GPR158: variants seen among roughly 807,000 people sequenced by gnomAD.
GPR158 encodes the protein metabotropic glycine receptor.
In GPR158, 30 loss-of-function variants were observed where a neutral mutation model predicts 78.2. The ratio of observed to expected loss-of-function variants is 0.38; its 90% confidence interval spans 0.29 to 0.52. GPR158 has a LOEUF of 0.52. Ranked by LOEUF, GPR158 falls within the 20% of genes least tolerant of loss-of-function variation. The pLI, the probability that GPR158 is intolerant of heterozygous loss-of-function variation, is 0.83. For synonymous variants in GPR158, 581 were observed against 591.1 expected, an observed-to-expected ratio of 0.98 and a Z score of 0.25; for missense variants, 1,463 against 1,523.5, an observed-to-expected ratio of 0.96 and a Z score of 0.66.
chr10:25,532,305 T>G (rs996810484), intron 5 of GPR158, among the ~76,000 whole-genome samples: 1 of 151,948 alleles, frequency 6.6e-6, no homozygotes, highest in South Asian at 2.1e-4. Context: ...GGTGGGCCAC[T>G]CCCAGGGACA....
Position 25,461,963 on chromosome 10 carries a change from A to T in GPR158, c.1336-4688A>T, listed in dbSNP as rs188674363. Among the ~76,000 whole-genome samples, 54 of 151,914 alleles carry T rather than the reference A, an allele frequency of 3.6e-4. No individual in the cohort carries two copies. In the East Asian group the frequency reaches 4.3e-3, roughly 12 times the overall value. ...CACCATGTTAGCCAGGATGGTCTCGATCTCCTGACCTTGTGATCCACCCAC... is the reference window on the plus strand; with the variant it reads ...CACCATGTTAGCCAGGATGGTCTCGTTCTCCTGACCTTGTGATCCACCCAC... On this transcript the variant is annotated intron_variant, in intron 4 of 10. Transcript: ENST00000376351.
At chr10:25,278,489 G>A (rs538274953) in intron 2 of GPR158, among the ~76,000 whole-genome samples, 1 of 152,072 alleles carries the variant, frequency 6.6e-6, no homozygotes, top group Non-Finnish European at 1.5e-5. Flanking sequence ...ATAGAATGAG[G>A]AAGAAGCAAT....
chr10:25,370,498 T>G (rs1375875830), intron 2 of GPR158, among the ~76,000 whole-genome samples: 6 of 125,302 alleles, frequency 4.8e-5, no homozygotes, highest in African/African-American at 1.9e-4. Context: ...TTCTTAATCT[T>G]GAGTTCTAGT....
rs561173526 is a variant in GPR158, at chr10:25,492,530, A to C, written c.1404+25811A>C. Among the ~76,000 whole-genome samples the C allele has an allele frequency of 2.0e-5, 3 of 152,114 alleles. No homozygotes were observed. The South Asian group carries it at 6.2e-4, about 32-fold the overall frequency. On this transcript the variant is annotated intron_variant, in intron 5 of 10. Coordinates refer to ENST00000376351, the MANE Select transcript of GPR158 (RefSeq NM_020752.3). ...CCTACTGCATTCATTTTCATCCCTT[A>C]GTCTTCAACACTACCTTGAAAAGAA...
chr10:25,190,403 A>G (rs928462566), intron 1 of GPR158, among the ~76,000 whole-genome samples: 2 of 151,980 alleles, frequency 1.3e-5, no homozygotes, highest in African/African-American at 4.8e-5. Flanking sequence ...CGTAAATACA[A>G]CACACTGCAG....
chr10:25,204,503 TGA>T (rs1180982887), intron 1 of GPR158, among the ~76,000 whole-genome samples: 1 of 152,164 alleles, frequency 6.6e-6, no homozygotes, highest in Non-Finnish European at 1.5e-5. Flanking sequence ...CTGCATCTAT[TGA>T]GATAATTATG....
At chr10:25,328,927 C>CAAAAAAAAAAAAA (rs3054026) in intron 2 of GPR158, among the ~76,000 whole-genome samples, 2 of 89,110 alleles carry the variant, frequency 2.2e-5, no homozygotes, top group South Asian at 3.8e-4. Flanking sequence ...AACTTCATCA[C>CAAAAAAAAAAAAA]AAAAAAAAAA....
intron 5 of GPR158, among the ~76,000 whole-genome samples, chr10:25,517,573 T>C (rs902590346): frequency 6.6e-6 from 1 of 152,166 alleles, no homozygotes; most frequent in African/African-American, 2.4e-5. Context: ...TGAGAGTTTT[T>C]AGCATGAAGG....
intron 7 of GPR158, among the ~76,000 whole-genome samples, chr10:25,575,836 A>T (rs1050190988): frequency 6.6e-6 from 1 of 152,118 alleles, no homozygotes; most frequent in South Asian, 2.1e-4. Flanking sequence ...AATGTCTTCA[A>T]ATTCCTGCCT....
At chr10:25,252,422 G>T (rs1182585215) in intron 2 of GPR158, among the ~76,000 whole-genome samples, 4 of 152,098 alleles carry the variant, frequency 2.6e-5, no homozygotes, top group Non-Finnish European at 5.9e-5. Context: ...TTTCTGTTCT[G>T]TTTTTTCCCC....
At chr10:25,382,282 A>G (rs953153665) in intron 2 of GPR158, among the ~76,000 whole-genome samples, 5 of 152,182 alleles carry the variant, frequency 3.3e-5, no homozygotes, top group African/African-American at 1.2e-4. Flanking sequence ...AGCCCCCACA[A>G]GGCATCTTGC....
At chr10:25,235,789 C>G (rs139951761) in intron 2 of GPR158, among the ~76,000 whole-genome samples, 1 of 151,052 alleles carries the variant, frequency 6.6e-6, no homozygotes, top group African/African-American at 2.4e-5. Context: ...TTCTACCTCC[C>G]GGGTTCACGC....
intron 2 of GPR158, among the ~76,000 whole-genome samples, chr10:25,287,993 C>A (rs1239378867): frequency 6.7e-6 from 1 of 149,214 alleles, no homozygotes; most frequent in Non-Finnish European, 1.5e-5. Context: ...ATGTGGAACT[C>A]CCATTGTAAC....
intron 2 of GPR158, among the ~76,000 whole-genome samples, chr10:25,370,476 T>C (rs1382459812): frequency 1.3e-4 from 14 of 104,706 alleles, no homozygotes; most frequent in African/African-American, 3.9e-4. Context: ...AGTTGAGTGG[T>C]TTTGAGTGAG....
intron 5 of GPR158, among the ~76,000 whole-genome samples, chr10:25,468,567 C>G (rs942257498): frequency 6.6e-6 from 1 of 152,176 alleles, no homozygotes; most frequent in Non-Finnish European, 1.5e-5. Flanking sequence ...CTACCTGAAT[C>G]AGAACCATGA....
chr10:25,532,218 G>C (rs1404373161), intron 5 of GPR158, among the ~76,000 whole-genome samples: 1 of 152,134 alleles, frequency 6.6e-6, no homozygotes, highest in African/African-American at 2.4e-5. Flanking sequence ...GGTGGGTTTC[G>C]TTGTTTGTTT....
intron 1 of GPR158, among the ~76,000 whole-genome samples, chr10:25,188,788 C>T (rs2130638878): frequency 6.6e-6 from 1 of 152,256 alleles, no homozygotes; most frequent in South Asian, 2.1e-4. Context: ...CAAATGGGAT[C>T]TAATTAAACT....
In GPR158 at chr10:25,572,883, A is replaced by G; in HGVS notation, c.1749A>G (p.Ala583=). ...TTGACCGCTGGGACTACATGACAGCAGTTGGTATGTGGTCACTTGTTTCGT... is the reference window on the plus strand; with the variant it reads ...TTGACCGCTGGGACTACATGACAGCGGTTGGTATGTGGTCACTTGTTTCGT... The part of the protein sequence containing the change: ...CLIDRWDYMT[A]VAEFLFLLWG... The change falls in exon 7 of 11, where the codon GCA becomes GCG. Residue 583 remains alanine, a synonymous_variant. Transcript: ENST00000376351. The G allele has an allele frequency of 6.5e-7, 1 of 1,548,394 alleles. No individual in the cohort carries two copies. The highest frequency in any genetic ancestry group is 8.9e-7 in the Non-Finnish European group (1 of 1,120,074).
chr10:25,470,120 C>A (rs1468117320), intron 5 of GPR158, among the ~76,000 whole-genome samples: 1 of 151,430 alleles, frequency 6.6e-6, no homozygotes, highest in Admixed American at 6.6e-5. Flanking sequence ...ATTTTCTAAT[C>A]CTTTTCCTGC....
Sources: gnomAD v4.1 joint callset for allele counts (sites outside exome capture counted in the v4.1 genomes callset) on GRCh38, gnomAD v4.1.1 for gene constraint, MANE v1.5 for transcripts, NCBI Gene and HGNC (gene_info 2026-07-23, HGNC 2026-07-21) for gene names.